FAM151A: variants seen among roughly 807,000 people sequenced by gnomAD.
FAM151A encodes the protein family with sequence similarity 151 member A, also known as protein FAM151A.
FAM151A carries 41 observed loss-of-function variants against 40.4 expected under a neutral mutation model. The observed-to-expected ratio is 1.01, with a 90% CI of 0.79 to 1.32. The LOEUF (loss-of-function observed/expected upper bound fraction) is 1.32, where lower values mean the gene tolerates loss of function less well. Among genes scored for constraint, FAM151A ranks in the 40% most tolerant of loss-of-function variants. The probability of loss-of-function intolerance (pLI) is 0.00; values close to 1 mark genes in which losing one functional copy is unlikely to be tolerated. For missense variants in FAM151A, 740 were observed against 740.4 expected (o/e 1.00, Z 0.01); for synonymous variants, 337 against 312.5 (o/e 1.08, Z -0.83).
Position 54,612,719 on chromosome 1 carries a change from A to C in FAM151A, c.576-9T>G. 1.2e-6 allele frequency: 2 copies of C among 1,610,142 alleles called. No individual in the cohort carries two copies. Among genetic ancestry groups the C allele is most frequent in the Non-Finnish European group, 1.7e-6 (2 of 1,177,266 alleles). On this transcript the variant is annotated splice_polypyrimidine_tract_variant and intron_variant, in intron 4 of 7. Coordinates refer to ENST00000302250, the MANE Select transcript of FAM151A (RefSeq NM_176782.3). ...GGACCAGGGCCAGGAACCTGCAAAA[A>C]AATCAGAGATGTTGGTCTCACGGAG...
intron 4 of FAM151A, 37 bp from the exon 5 acceptor site, chr1:54,612,747 G>T: frequency 6.5e-7 from 1 of 1,532,302 alleles, no homozygotes; most frequent in Non-Finnish European, 9.0e-7. Context: ...TCACGGAGCT[G>T]CAGCGGCCCC....
Position 54,609,696 on chromosome 1 carries a change from C to G in FAM151A, c.1330G>C (p.Gly444Arg). 6.2e-7 allele frequency: 1 copy of G among 1,614,074 alleles called. No homozygotes were observed. Among genetic ancestry groups the G allele is most frequent in the Non-Finnish European group, 8.5e-7 (1 of 1,180,026 alleles). ...AAACTCCCGTGGGAGATTTTGGCCC[C>G]AACCCACACAGGCCAATGCAAGAGG... is the stretch of plus-strand genomic sequence containing the variant. ...LGLLHWPVWV[G>R]AKISHGSFSV... Residue 444 changes from glycine (G) to arginine (R), a missense_variant, in exon 8 of 8, where the codon GGG becomes CGG. Coordinates refer to ENST00000302250, the MANE Select transcript of FAM151A (RefSeq NM_176782.3).
At chr1:54,623,188 A>AT in intron 1 of FAM151A, 90 bp downstream of exon 1, 1 of 796,396 alleles carries the variant, frequency 1.3e-6, no homozygotes, top group Non-Finnish European at 2.0e-6. Context: ...AAAAAAAAAA[A>AT]GGGACTGGTC....
intron 3 of FAM151A, 67 bp downstream of exon 3, chr1:54,615,953 T>C (rs1446072465): frequency 9.1e-6 from 14 of 1,541,468 alleles, no homozygotes; most frequent in Non-Finnish European, 8.9e-6. Flanking sequence ...CAGTGAGGGA[T>C]CTCTGCACAT....
chr1:54,612,317 C>T (rs189027780), intron 5 of FAM151A, among the ~76,000 whole-genome samples, 169 bp downstream of exon 5: 24 of 151,834 alleles, frequency 1.6e-4, no homozygotes, highest in Non-Finnish European at 2.1e-4. Flanking sequence ...TAGTGAGTAG[C>T]CCGTCACCAG....
Position 54,619,858 on chromosome 1 carries a change from A to G in FAM151A, c.262+6T>C. On this transcript the variant is annotated splice_donor_region_variant and intron_variant, in intron 2 of 7. Coordinates refer to ENST00000302250, the MANE Select transcript of FAM151A (RefSeq NM_176782.3). ...GGCCTGCCTCAGTCTTGGCAGCTGG[A>G]CTTACTGTTCAGGGCAGCTGTCATG... 1 of 1,613,570 alleles carries G rather than the reference A, an allele frequency of 6.2e-7. No homozygotes were observed. Among genetic ancestry groups the G allele is most frequent in the African/African-American group, 1.3e-5 (1 of 75,022 alleles).
chr1:54,619,139 C>T (rs1644203464), intron 2 of FAM151A, among the ~76,000 whole-genome samples: 2 of 152,116 alleles, frequency 1.3e-5, no homozygotes, highest in African/African-American at 4.8e-5. Flanking sequence ...CTCAGCATCA[C>T]TTGAGGGTGG....
At chr1:54,618,743 G>A (rs977173474) in intron 2 of FAM151A, among the ~76,000 whole-genome samples, 45 of 152,100 alleles carry the variant, frequency 3.0e-4, no homozygotes, top group African/African-American at 1.1e-3. Context: ...CCATCTGCAG[G>A]AGCTCGCGGT....
chr1:54,610,081 C>G (rs1435549145), intron 7 of FAM151A, 140 bp from the exon 8 acceptor site: 12 of 1,436,426 alleles, frequency 8.4e-6, no homozygotes, highest in Non-Finnish European at 1.1e-5. Context: ...CAGTTTTGGG[C>G]TCCAGGTGGA....
chr1:54,614,937 C>CA (rs1644156155), intron 3 of FAM151A, 78 bp from the exon 4 acceptor site: 7 of 1,029,114 alleles, frequency 6.8e-6, no homozygotes, highest in East Asian at 5.1e-5. Context: ...GAAAGCAGAG[C>CA]GGGTGTGTGT....
Position 54,609,752 on chromosome 1 carries a change from A to C in FAM151A, c.1274T>G (p.Leu425Arg), listed in dbSNP as rs748483127. ...GCTGGAGAGGCGTGCCAGCAAGGCC[A>C]GGGATGGCCGGAGGGCTGCGGGCTC... Reference protein sequence around the residue: ...IAEPAALRPSLALLARLSSLG... With the variant: ...IAEPAALRPSRALLARLSSLG... The change falls in exon 8 of 8, where the codon CTG (leucine) becomes CGG (arginine). Residue 425 changes from leucine (L) to arginine (R), a missense_variant. By Grantham distance (102) the Leu-to-Arg change is moderately radical. Coordinates refer to ENST00000302250, the MANE Select transcript of FAM151A (RefSeq NM_176782.3). 5.0e-6 allele frequency: 8 copies of C among 1,614,186 alleles called. No homozygotes were observed. In the Admixed American group the frequency reaches 1.3e-4, roughly 27 times the overall value.
chr1:54,622,106 T>A (rs1226391832), intron 1 of FAM151A, among the ~76,000 whole-genome samples: 1 of 144,866 alleles, frequency 6.9e-6, no homozygotes, highest in Non-Finnish European at 1.5e-5. Context: ...AAACCCCGTC[T>A]CTAGTAAAAA....
chr1:54,621,500 G>T (rs983649625), intron 1 of FAM151A: 4 of 152,158 alleles, frequency 2.6e-5, no homozygotes, highest in African/African-American at 9.7e-5. Context: ...AAAGATAAAA[G>T]ATTGGAAGAA....
intron 7 of FAM151A, 57 bp from the exon 8 acceptor site, chr1:54,609,998 A>ATAAG: frequency 6.5e-7 from 1 of 1,543,062 alleles, no homozygotes; most frequent in Non-Finnish European, 8.7e-7. Context: ...TAAGGTGTTA[A>ATAAG]GAGTCCCTTG....
At position 54,615,955 on chromosome 1, in the gene FAM151A, T is replaced by C. The variant is rs1644168136; in HGVS notation, c.415+65A>G. On this transcript the variant is annotated intron_variant, in intron 3 of 7. Transcript: ENST00000302250. ...TGGACTTGCTTCCCAGTGAGGGATC[T>C]CTGCACATGCTGCCCCAGGGCCAGA... The C allele has an allele frequency of 3.9e-6, 6 of 1,554,674 alleles. No homozygotes were observed. In the Admixed American group the frequency reaches 1.1e-4, roughly 28 times the overall value.
At chr1:54,613,315 G>A (rs1016371848) in intron 4 of FAM151A, among the ~76,000 whole-genome samples, 6 of 151,958 alleles carry the variant, frequency 3.9e-5, no homozygotes, top group African/African-American at 1.2e-4. Flanking sequence ...GGAGGCGGAG[G>A]TTGTGGTGAG....
chr1:54,615,032 C>T (rs759004387), intron 3 of FAM151A, among the ~76,000 whole-genome samples, 173 bp from the exon 4 acceptor site: 4 of 151,922 alleles, frequency 2.6e-5, no homozygotes, highest in Admixed American at 2.0e-4. Context: ...GAAGGCCTTT[C>T]GAAGAGACAG....
At position 54,610,080 on chromosome 1, in the gene FAM151A, G is replaced by T; in HGVS notation, c.1085-139C>A. 2 of 1,436,552 alleles carry T rather than the reference G, an allele frequency of 1.4e-6. 1 individual carries two copies. The highest frequency in any genetic ancestry group is 1.8e-6 in the Non-Finnish European group (2 of 1,100,556). 89.0% of individuals were successfully genotyped at this position (1,436,552 alleles called of 1,614,324 possible). A position where few individuals can be genotyped will look rare whatever the true frequency, so the allele number is the denominator to read the frequency against. On this transcript the variant is annotated intron_variant, in intron 7 of 7. Coordinates refer to ENST00000302250, the MANE Select transcript of FAM151A (RefSeq NM_176782.3). ...CTGGAATCTGTCAACCCAGTTTTGG[G>T]CTCCAGGTGGATGGGTTGCTTTATA... is the stretch of plus-strand genomic sequence containing the variant.
intron 7 of FAM151A, 144 bp from the exon 8 acceptor site, chr1:54,610,085 AG>A: frequency 7.0e-7 from 1 of 1,435,972 alleles, no homozygotes; most frequent in Non-Finnish European, 9.1e-7. Context: ...TTTGGGCTCC[AG>A]GTGGATGGGT....
Sources: allele counts gnomAD v4.1 joint callset (sites outside exome capture counted in the v4.1 genomes callset), GRCh38; gene constraint gnomAD v4.1.1; transcripts MANE v1.5; gene names NCBI Gene and HGNC (gene_info 2026-07-23, HGNC 2026-07-21).